Variants in BDH1 observed in about 807,000 individuals in gnomAD.
BDH1 encodes 3-hydroxybutyrate dehydrogenase 1.
In BDH1, 30 loss-of-function variants were observed where a neutral mutation model predicts 33.1. The observed-to-expected ratio is 0.91, with a 90% CI of 0.68 to 1.23. The LOEUF is 1.23. Among genes scored for constraint, BDH1 ranks in the 50% most tolerant of loss-of-function variants. BDH1 has a pLI of 0.00. For synonymous variants in BDH1, 190 were observed against 183.6 expected (o/e 1.03, Z -0.28); for missense variants, 443 against 464.4 (o/e 0.95, Z 0.42).
At chr3:197,544,201 G>C (rs1715890470) in intron 3 of BDH1, among the ~76,000 whole-genome samples, 2 of 152,002 alleles carry the variant, frequency 1.3e-5, no homozygotes, top group South Asian at 4.2e-4. Flanking sequence ...CTGTACCTGG[G>C]TCCCCCTCCA....
chr3:197,561,545 G>C (rs1717260985), intron 1 of BDH1, among the ~76,000 whole-genome samples: 1 of 152,090 alleles, frequency 6.6e-6, no homozygotes, highest in Non-Finnish European at 1.5e-5. Flanking sequence ...AGCTGAGTTG[G>C]GTTTTTGTCT....
chr3:197,559,267 T>TGG (rs1464430168), upstream of BDH1, among the ~76,000 whole-genome samples: 1 of 152,170 alleles, frequency 6.6e-6, no homozygotes, highest in African/African-American at 2.4e-5. Flanking sequence ...CCCAAAGTGC[T>TGG]GGGATTACAG....
chr3:197,572,885 A>C (rs1310456898), intron 1 of BDH1, among the ~76,000 whole-genome samples: 1 of 152,210 alleles, frequency 6.6e-6, no homozygotes, highest in Non-Finnish European at 1.5e-5. Context: ...AAAAAACAAG[A>C]TACAAAACCA....
intron 2 of BDH1, among the ~76,000 whole-genome samples, chr3:197,547,243 T>G: frequency 6.6e-6 from 1 of 152,240 alleles, no homozygotes. Context: ...AGCACGGGCA[T>G]GCGTTGCCCT....
At chr3:197,519,693 TTGAC>T (rs1403726438) in intron 6 of BDH1, among the ~76,000 whole-genome samples, 2 of 152,046 alleles carry the variant, frequency 1.3e-5, no homozygotes, top group Non-Finnish European at 2.9e-5. Flanking sequence ...TTAATTAATG[TTGAC>T]TGACTGACTG....
chr3:197,564,158 C>T (rs146879755), intron 1 of BDH1, among the ~76,000 whole-genome samples: 2,259 of 147,150 alleles, frequency 0.015, 74 homozygotes, highest in African/African-American at 0.054. Flanking sequence ...GGTAAGAAAG[C>T]TTAAAGATAA....
intron 1 of BDH1, among the ~76,000 whole-genome samples, chr3:197,562,155 G>C (rs1253547350): frequency 6.6e-6 from 1 of 152,222 alleles, no homozygotes; most frequent in Non-Finnish European, 1.5e-5. Context: ...TGTAATGGCA[G>C]ACGAGAACTA....
In BDH1 at chr3:197,510,678, G is replaced by GAAGCCC. The variant is rs1711896650; in HGVS notation, c.*1216_*1217insGGGCTT. On this transcript the variant is annotated 3_prime_UTR_variant, in exon 8 of 8. Transcript: ENST00000392379. Reference sequence around the variant, plus strand: ...TGTGTGTGTGTGTGTGTGTACATGTGTGTAAGGTGTGTGTGTGTGTGTGTG... The same window carrying GAAGCCC: ...TGTGTGTGTGTGTGTGTGTACATGTGAAGCCCTGTAAGGTGTGTGTGTGTGTGTGTG... The GAAGCCC allele has an allele frequency of 2.1e-5, 1 of 46,966 alleles. No individual in the cohort carries two copies. The highest frequency in any genetic ancestry group is 2.4e-4 in the Admixed American group (1 of 4,252). 2.9% of individuals were successfully genotyped at this position (46,966 alleles called of 1,614,324 possible).
At position 197,514,551 on chromosome 3, in the gene BDH1, TTTCTAGAGTCACTCAGGAAC is replaced by T; in HGVS notation, c.410-155_410-136del. 1 of 1,056,658 alleles carries T rather than the reference TTTCTAGAGTCACTCAGGAAC, an allele frequency of 9.5e-7. No homozygotes were observed. The highest frequency in any genetic ancestry group is 1.8e-5 in the South Asian group (1 of 55,168). The allele number at this position is 1,056,658 out of a possible 1,614,324, so 65.5% of individuals were successfully genotyped here. On this transcript the variant is annotated intron_variant, in intron 6 of 7. Coordinates refer to ENST00000392379, the MANE Select transcript of BDH1 (RefSeq NM_203314.3). The surrounding 1 kb of genome is among the most constrained non-coding windows in gnomAD (Gnocchi z 4.2). The stretch of plus-strand genomic sequence containing the variant: ...CTCTCGCCCAGTGCTCTCAAGAAAC[TTTCTAGAGTCACTCAGGAAC>T]GACAGGAGGTAAAGAGGCCTAAAGT...
At chr3:197,543,966 A>T (rs1203859348) in intron 3 of BDH1, among the ~76,000 whole-genome samples, 1 of 152,174 alleles carries the variant, frequency 6.6e-6, no homozygotes, top group Non-Finnish European at 1.5e-5. Flanking sequence ...CAAACACAGG[A>T]GGCCTGCTAT....
chr3:197,541,950 A>G (rs1005137864), intron 3 of BDH1, among the ~76,000 whole-genome samples: 1 of 152,190 alleles, frequency 6.6e-6, no homozygotes, highest in Non-Finnish European at 1.5e-5. Flanking sequence ...CGTTCTTCTC[A>G]TCTGCCTCAC....
rs114807550 is a variant in BDH1 at position 197,546,453 on chromosome 3, G to C, written c.-10C>G. The C allele has an allele frequency of 1.2e-5, 19 of 1,613,824 alleles. No homozygotes were observed. Among genetic ancestry groups the C allele is most frequent in the Middle Eastern group, 3.3e-4 (2 of 6,072 alleles). ...GGCGGGTGGCCAGCATGGTAGCAAC[G>C]GGTGTTAGAATGGCCCAGTTCCTCC... On this transcript the variant is annotated 5_prime_UTR_variant, in exon 3 of 8. Coordinates refer to ENST00000392379, the MANE Select transcript of BDH1 (RefSeq NM_203314.3).
At chr3:197,533,734 G>A in intron 3 of BDH1, 173 bp from the exon 4 acceptor site, 2 of 617,744 alleles carry the variant, frequency 3.2e-6, no homozygotes, top group Non-Finnish European at 5.8e-6. Flanking sequence ...TAGAAAGTGA[G>A]CCAGTATTTG....
intron 3 of BDH1, among the ~76,000 whole-genome samples, chr3:197,544,417 C>CT (rs1463322471): frequency 6.6e-6 from 1 of 152,180 alleles, no homozygotes; most frequent in Non-Finnish European, 1.5e-5. Context: ...AGAACAAAAC[C>CT]TTTGTAAAAG....
intron 2 of BDH1, among the ~76,000 whole-genome samples, chr3:197,551,131 G>A (rs765637147): frequency 1.3e-5 from 2 of 152,176 alleles, no homozygotes; most frequent in Non-Finnish European, 2.9e-5. Context: ...TATAGTCGCT[G>A]TGTTATGCTA....
chr3:197,543,600 T>TC (rs940907199), intron 3 of BDH1, among the ~76,000 whole-genome samples: 1 of 152,158 alleles, frequency 6.6e-6, no homozygotes, highest in Non-Finnish European at 1.5e-5. Flanking sequence ...GGGGGCCTTA[T>TC]CCAGCCACTC....
At chr3:197,555,248 CGGAGGAGGA>C (rs371377701) in intron 1 of BDH1, 2 of 154,538 alleles carry the variant, frequency 1.3e-5, no homozygotes, top group African/African-American at 4.8e-5. Context: ...CGGAGGACCC[CGGAGGAGGA>C]GGAGGAGGAG....
intron 7 of BDH1, among the ~76,000 whole-genome samples, chr3:197,513,518 C>T (rs1256360660): frequency 1.4e-5 from 2 of 140,022 alleles, no homozygotes; most frequent in African/African-American, 2.7e-5. Context: ...GGTGTGTCCC[C>T]GGGAGGGCAC....
chr3:197,564,779 T>C (rs1440599839), intron 1 of BDH1, among the ~76,000 whole-genome samples: 1 of 152,224 alleles, frequency 6.6e-6, no homozygotes, highest in Non-Finnish European at 1.5e-5. Flanking sequence ...TTTTATGAAA[T>C]ATTAACCAAC....
Sources: gnomAD v4.1 joint callset for allele counts (sites outside exome capture counted in the v4.1 genomes callset) on GRCh38, gnomAD v4.1.1 for gene constraint, Gnocchi (gnomAD v3.1) non-coding constraint, MANE v1.5 for transcripts, NCBI Gene and HGNC (gene_info 2026-07-23, HGNC 2026-07-21) for gene names.